The following SEMA4A variants were observed in gnomAD, a reference collection of about 807,000 sequenced individuals.
The protein encoded by SEMA4A is semaphorin 4A.
Under a neutral mutation model 72.5 loss-of-function variants are expected in SEMA4A, and 52 were observed. The ratio of observed to expected loss-of-function variants is 0.72; its 90% CI spans 0.57 to 0.90. The LOEUF (loss-of-function observed/expected upper bound fraction) is 0.90. Ranked by LOEUF, SEMA4A falls within the 40% of genes least tolerant of loss-of-function variation. The pLI is 0.00. For missense variants in SEMA4A, 926 were observed against 959.7 expected (o/e 0.96, Z 0.46); for synonymous variants, 369 against 393.1 (o/e 0.94, Z 0.73).
upstream of SEMA4A, among the ~76,000 whole-genome samples, chr1:156,152,676 G>A (rs974169090): frequency 6.6e-6 from 1 of 152,152 alleles, no homozygotes; most frequent in South Asian, 2.1e-4. Context: ...CCTCAGATGA[G>A]GAATTATAAG....
chr1:156,176,877 G>A lies in SEMA4A; in HGVS notation c.2166G>A (p.Leu722=), dbSNP rs1558166212. ...GCAAGGTTCAGGGCTGTGAGACCCT[G>A]CGCCCTGGGGAGAAGGCCCCGTTAA... The part of the protein sequence containing the change: ...ARGKVQGCET[L]RPGEKAPLSR... The change falls in exon 15 of 15, where the codon CTG becomes CTA. Residue 722 remains leucine (L), a synonymous_variant. Coordinates refer to ENST00000368285, the MANE Select transcript of SEMA4A (RefSeq NM_022367.4). 1 of 1,614,226 alleles carries A rather than the reference G, an allele frequency of 6.2e-7. No individual in the cohort carries two copies. The highest frequency in any genetic ancestry group is 1.7e-5 in the Admixed American group (1 of 60,032).
At chr1:156,175,780 G>A (rs1655269632) in intron 14 of SEMA4A, 124 bp downstream of exon 14, 2 of 745,962 alleles carry the variant, frequency 2.7e-6, no homozygotes, top group East Asian at 2.7e-5. Context: ...GAACACCCGA[G>A]TTGGGATGGA....
At chr1:156,164,682 C>T (rs1653998150) in intron 10 of SEMA4A, among the ~76,000 whole-genome samples, 1 of 152,186 alleles carries the variant, frequency 6.6e-6, no homozygotes, top group African/African-American at 2.4e-5. Flanking sequence ...TTCTTATTCA[C>T]AGCCTAGCCA....
intron 10 of SEMA4A, among the ~76,000 whole-genome samples, chr1:156,171,015 C>A (rs188383471): frequency 3.9e-5 from 6 of 152,226 alleles, no homozygotes; most frequent in Non-Finnish European, 7.4e-5. Flanking sequence ...GAGTTTGAGA[C>A]CAGCCTTGGC....
chr1:156,161,304 C>CGGGGGCGG, intron 8 of SEMA4A, 42 bp from the exon 9 acceptor site: 1 of 689,372 alleles, frequency 1.5e-6, no homozygotes, highest in Non-Finnish European at 2.1e-6. Context: ...GCTGGGGGGT[C>CGGGGGCGG]GGGGCGCCCG....
At chr1:156,165,992 C>T (rs1397475050) in intron 10 of SEMA4A, among the ~76,000 whole-genome samples, 7 of 150,304 alleles carry the variant, frequency 4.7e-5, no homozygotes, top group Non-Finnish European at 8.8e-5. Flanking sequence ...CTACAACCTC[C>T]ACCTCCCAGG....
chr1:156,161,076 A>G, intron 8 of SEMA4A, 47 bp downstream of exon 8: 1 of 1,539,466 alleles, frequency 6.5e-7, no homozygotes, highest in South Asian at 1.1e-5. Context: ...GAGAACCAAT[A>G]GGGAGATGGC....
At chr1:156,160,669 G>A (rs920907199) in intron 7 of SEMA4A, 110 bp downstream of exon 7, 1 of 1,074,786 alleles carries the variant, frequency 9.3e-7, no homozygotes, top group Non-Finnish European at 1.4e-6. Context: ...TTAGGCGCAG[G>A]GGGTATATGG....
At chr1:156,161,302 G>C (rs577942195) in intron 8 of SEMA4A, 44 bp from the exon 9 acceptor site, 11,180 of 570,738 alleles carry the variant, frequency 0.02, 518 homozygotes, top group Middle Eastern at 0.066. Flanking sequence ...GGGCTGGGGG[G>C]TCGGGGCGCC....
chr1:156,173,615 G>T (rs979825457), intron 11 of SEMA4A, among the ~76,000 whole-genome samples: 1 of 152,140 alleles, frequency 6.6e-6, no homozygotes, highest in African/African-American at 2.4e-5. Flanking sequence ...TGGCGGGGGG[G>T]ACAGCACCTG....
intron 10 of SEMA4A, among the ~76,000 whole-genome samples, chr1:156,172,408 G>A (rs764078078): frequency 3.3e-5 from 5 of 152,088 alleles, no homozygotes; most frequent in African/African-American, 7.2e-5. Context: ...GAGCCACTGC[G>A]CCCAGCCATA....
chr1:156,164,528 A>T (rs1653982813), intron 10 of SEMA4A, among the ~76,000 whole-genome samples: 1 of 152,194 alleles, frequency 6.6e-6, no homozygotes, highest in Admixed American at 6.5e-5. Flanking sequence ...TACATCACGG[A>T]AATCAGCAAA....
At chr1:156,160,406 C>A (rs767596583) in intron 6 of SEMA4A, 37 bp from the exon 7 acceptor site, 77 of 1,514,486 alleles carry the variant, frequency 5.1e-5, no homozygotes, top group Middle Eastern at 3.4e-4. Flanking sequence ...GAACCCTCCA[C>A]CCCATCAGTT....
chr1:156,158,110 C>A lies in SEMA4A; in HGVS notation c.341C>A (p.Ala114Asp). ...AGTGACAGAAAAAAGAGTGAATGTG[C>A]CTTTAAGAAGAAGAGCAATGAGGTA... ...PASDRKKSEC[A>D]FKKKSNETQC... Residue 114 changes from alanine to aspartate, a missense_variant, in exon 4 of 15, where the codon GCC (alanine) becomes GAC (aspartate). Ala to Asp is a moderately radical substitution (Grantham distance 126). Transcript: ENST00000368285. The A allele has an allele frequency of 6.2e-7, 1 of 1,614,066 alleles. No individual in the cohort carries two copies. The highest frequency in any genetic ancestry group is 8.5e-7 in the Non-Finnish European group (1 of 1,180,018).
Position 156,175,094 on chromosome 1 carries a change from G to A in SEMA4A, c.1443G>A (p.Val481=). The A allele has an allele frequency of 1.2e-6, 2 of 1,614,184 alleles. No homozygotes were observed. Among genetic ancestry groups the A allele is most frequent in the Non-Finnish European group, 1.7e-6 (2 of 1,180,036 alleles). Residue 481 remains valine (V), a synonymous_variant, in exon 13 of 15, where the codon GTG becomes GTA. Coordinates refer to ENST00000368285, the MANE Select transcript of SEMA4A (RefSeq NM_022367.4). The part of the protein sequence containing the change: ...NLQLAPTQGA[V]FVGFSGGVWR... ...CTCCATCTCTCTTCCAGGGTGCAGT[G>A]TTTGTAGGCTTCTCAGGAGGTGTCT...
Position 156,162,957 on chromosome 1 carries a change from A to G in SEMA4A, c.997A>G (p.Thr333Ala), listed in dbSNP as rs369894885. The G allele has an allele frequency of 1.2e-6, 2 of 1,613,808 alleles. No homozygotes were observed. The highest frequency in any genetic ancestry group is 1.7e-6 in the Non-Finnish European group (2 of 1,180,026). ...GGCTGTCTCCAGGCAGGTTGGCGGG[A>G]CCAGGAGCTCTGCGGTTTGTGCCTT... ...VFTSQWQVGG[T>A]RSSAVCAFSL... Residue 333 changes from threonine to alanine, a missense_variant, in exon 10 of 15, where the codon ACC becomes GCC. Thr to Ala is a moderately conservative substitution (Grantham distance 58). Transcript: ENST00000368285.
Position 156,172,892 on chromosome 1 carries a change from C to G in SEMA4A, c.1201C>G (p.Gln401Glu). Residue 401 changes from glutamine (Q) to glutamate (E), a missense_variant, in exon 11 of 15, where the codon CAA becomes GAA. By Grantham distance (29) the Gln-to-Glu change is conservative (BLOSUM62 2). Transcript: ENST00000368285. ...GAAGGACCATTTCCTGATGGATGAG[C>G]AAGTGGTGGGGACGCCCCTGCTGGT... ...FMKDHFLMDEQVVGTPLLVKS... is the reference protein window; with the variant it reads ...FMKDHFLMDEEVVGTPLLVKS... 2 of 1,614,114 alleles carry G rather than the reference C, an allele frequency of 1.2e-6. No homozygotes were observed. Among genetic ancestry groups the G allele is most frequent in the Non-Finnish European group, 8.5e-7 (1 of 1,179,996 alleles).
chr1:156,170,244 A>G (rs1206809577), intron 10 of SEMA4A, among the ~76,000 whole-genome samples: 1 of 150,706 alleles, frequency 6.6e-6, no homozygotes, highest in Non-Finnish European at 1.5e-5. Context: ...TGGGTGGATC[A>G]CTTGAGGTCA....
At chr1:156,152,088 G>A (rs1652584644), upstream of SEMA4A, among the ~76,000 whole-genome samples, 1 of 152,144 alleles carries the variant, frequency 6.6e-6, no homozygotes, top group African/African-American at 2.4e-5. Context: ...GCTATTGAAT[G>A]AGGCAGATCT....
Sources: gnomAD v4.1 joint callset for allele counts (sites outside exome capture counted in the v4.1 genomes callset) on GRCh38, gnomAD v4.1.1 for gene constraint, MANE v1.5 for transcripts, NCBI Gene and HGNC (gene_info 2026-07-23, HGNC 2026-07-21) for gene names.